MDGA2: variants seen among roughly 807,000 people sequenced by gnomAD.
MDGA2 encodes MAM domain containing glycosylphosphatidylinositol anchor 2.
A neutral mutation model predicts 117.8 loss-of-function variants in MDGA2; 40 were observed. The observed-to-expected ratio is 0.34, with a 90% CI of 0.26 to 0.44. MDGA2 has a LOEUF of 0.44. Ranked by LOEUF, MDGA2 falls within the 20% of genes least tolerant of loss-of-function variation. MDGA2 has a pLI of 1.00. For synonymous variants in MDGA2, 452 were observed against 439.0 expected (o/e 1.03, Z -0.37); for missense variants, 1,123 against 1,250.6 (o/e 0.90, Z 1.54).
rs185260860 is a variant in MDGA2, at chr14:47,164,694, G to A, written c.596-20420C>T. On this transcript the variant is annotated intron_variant, in intron 3 of 16. Coordinates refer to ENST00000399232, the MANE Select transcript of MDGA2 (RefSeq NM_001113498.3). ...CAACCATTGTGGAAGACAGTGTGGC[G>A]ATTCCTCAGGGATCTAGAACTGGAA... 5.8e-3 allele frequency among the ~76,000 whole-genome samples: 888 copies of A among 152,280 alleles called. 4 individuals carry two copies. Among genetic ancestry groups the A allele is most frequent in the African/African-American group, 0.02 (843 of 41,546 alleles).
At chr14:47,151,597 ATC>A (rs1030340683) in intron 3 of MDGA2, among the ~76,000 whole-genome samples, 153 of 152,166 alleles carry the variant, frequency 1.0e-3, no homozygotes, top group African/African-American at 3.5e-3. Flanking sequence ...ATTTATATTT[ATC>A]TCTTTAAAAT....
At chr14:47,309,808 C>T (rs1307180283) in intron 1 of MDGA2, among the ~76,000 whole-genome samples, 1 of 151,922 alleles carries the variant, frequency 6.6e-6, no homozygotes, top group African/African-American at 2.4e-5. Flanking sequence ...TTTTGAAAGA[C>T]AGATGAAAGT....
intron 8 of MDGA2, among the ~76,000 whole-genome samples, chr14:47,020,216 G>C (rs984768963): frequency 6.6e-6 from 1 of 152,114 alleles, no homozygotes. Flanking sequence ...GAATTCTATG[G>C]ATGAGCTAAT....
chr14:47,533,909 C>A lies in MDGA2; in HGVS notation c.280+140608G>T, dbSNP rs138468454. ...TAGTAAAGACAGTAAGCAAAAAGTA[C>A]AAATATGGCATTCCCTTATCATGAT... is the stretch of plus-strand genomic sequence containing the variant. On this transcript the variant is annotated intron_variant, in intron 1 of 16. Transcript: ENST00000399232. Among the ~76,000 whole-genome samples, 302 of 152,218 alleles carry A rather than the reference C, an allele frequency of 2.0e-3. 1 individual carries two copies. The highest frequency in any genetic ancestry group is 6.8e-3 in the African/African-American group (281 of 41,554).
chr14:47,565,449 G>C (rs1895898209), intron 1 of MDGA2, among the ~76,000 whole-genome samples: 2 of 152,126 alleles, frequency 1.3e-5, no homozygotes, highest in African/African-American at 4.8e-5. Flanking sequence ...AACTTTGGGG[G>C]GCTGTTATCA....
chr14:47,610,576 AAACAACAAC>A (rs569248521), intron 1 of MDGA2, among the ~76,000 whole-genome samples: 14 of 151,642 alleles, frequency 9.2e-5, no homozygotes, highest in African/African-American at 3.1e-4. Flanking sequence ...AAAAACAAAC[AAACAACAAC>A]AACAACAACA....
chr14:47,507,113 T>A (rs1221808486), intron 1 of MDGA2, among the ~76,000 whole-genome samples: 1 of 151,976 alleles, frequency 6.6e-6, no homozygotes, highest in African/African-American at 2.4e-5. Flanking sequence ...GAAATGAGGA[T>A]ACATGATAAT....
intron 1 of MDGA2, among the ~76,000 whole-genome samples, chr14:47,372,131 G>A (rs558720823): frequency 1.3e-5 from 2 of 151,738 alleles, no homozygotes; most frequent in African/African-American, 4.8e-5. Flanking sequence ...CATAGTATTA[G>A]TTGAAATGCA....
chr14:47,321,296 T>A (rs929840199), intron 1 of MDGA2, among the ~76,000 whole-genome samples: 3 of 152,212 alleles, frequency 2.0e-5, no homozygotes, highest in Non-Finnish European at 2.9e-5. Context: ...TTGGTTGGTA[T>A]TTTTCCTTGC....
chr14:47,231,999 C>T (rs1023856623), intron 2 of MDGA2, among the ~76,000 whole-genome samples: 8 of 152,074 alleles, frequency 5.3e-5, no homozygotes, highest in African/African-American at 1.7e-4. Flanking sequence ...CATATGATTG[C>T]CCCATATGAC....
intron 1 of MDGA2, among the ~76,000 whole-genome samples, chr14:47,579,651 A>C (rs1305465996): frequency 6.6e-6 from 1 of 152,092 alleles, no homozygotes; most frequent in Non-Finnish European, 1.5e-5. Flanking sequence ...AGATAGGGTA[A>C]GTTTTATTCT....
chr14:47,173,814 G>A (rs896203291), intron 3 of MDGA2, among the ~76,000 whole-genome samples: 14 of 152,266 alleles, frequency 9.2e-5, no homozygotes, highest in African/African-American at 2.9e-4. Flanking sequence ...AACTTTAAAT[G>A]TAAATGGACT....
At chr14:47,067,692 G>A (rs1432095647) in intron 6 of MDGA2, among the ~76,000 whole-genome samples, 1 of 152,192 alleles carries the variant, frequency 6.6e-6, no homozygotes, top group Non-Finnish European at 1.5e-5. Context: ...CAGCATTAAA[G>A]AGGAGTTAAA....
chr14:46,906,284 A>AAAT lies in MDGA2; in HGVS notation c.2238+13725_2238+13727dup, dbSNP rs146392453. 9.0e-3 allele frequency among the ~76,000 whole-genome samples: 1,359 copies of AAAT among 151,158 alleles called. 9 individuals carry two copies. The highest frequency in any genetic ancestry group is 0.017 in the Middle Eastern group (5 of 290). ...TTTCTTAAAATGAGATGAGTCCTTAAAATAATAATAATAATAATAATAATT... is the reference window on the plus strand; with the variant it reads ...TTTCTTAAAATGAGATGAGTCCTTAAAATAATAATAATAATAATAATAATAATT... On this transcript the variant is annotated intron_variant, in intron 10 of 16. Transcript: ENST00000399232.
At chr14:47,581,670 TA>T (rs1465128258) in intron 1 of MDGA2, among the ~76,000 whole-genome samples, 1 of 151,958 alleles carries the variant, frequency 6.6e-6, no homozygotes, top group East Asian at 1.9e-4. Flanking sequence ...CCTTCTTTAG[TA>T]GGTATAAAAC....
chr14:46,932,808 T>C (rs1185010004), intron 9 of MDGA2, among the ~76,000 whole-genome samples: 1 of 151,746 alleles, frequency 6.6e-6, no homozygotes, highest in Non-Finnish European at 1.5e-5. Flanking sequence ...CAACATTATG[T>C]CTTTTTTTTT....
chr14:47,123,845 G>T, intron 5 of MDGA2, among the ~76,000 whole-genome samples: 1 of 151,872 alleles, frequency 6.6e-6, no homozygotes, highest in East Asian at 1.9e-4. Context: ...TATTATTTTT[G>T]AAAACAAAAA....
chr14:46,845,956 A>C, intron 15 of MDGA2, 85 bp from the exon 16 acceptor site: 2 of 945,594 alleles, frequency 2.1e-6, no homozygotes, highest in Non-Finnish European at 3.4e-6. Flanking sequence ...GACAAAAATA[A>C]ACTTGTCAGT....
chr14:47,341,410 A>G (rs892210002), intron 1 of MDGA2, among the ~76,000 whole-genome samples: 1 of 152,202 alleles, frequency 6.6e-6, no homozygotes, highest in African/African-American at 2.4e-5. Context: ...TGATGACGAT[A>G]AAGTGTAAAA....
Sources: gnomAD v4.1 joint callset for allele counts (sites outside exome capture counted in the v4.1 genomes callset) on GRCh38, gnomAD v4.1.1 for gene constraint, MANE v1.5 for transcripts, NCBI Gene and HGNC (gene_info 2026-07-23, HGNC 2026-07-21) for gene names.